Variants in TSPOAP1 observed in about 807,000 individuals in gnomAD.
The protein encoded by TSPOAP1 is peripheral-type benzodiazepine receptor-associated protein 1.
A neutral mutation model predicts 197.0 loss-of-function variants in TSPOAP1; 87 were observed. The observed-to-expected ratio is 0.44, with a 90% CI of 0.37 to 0.53. The LOEUF (loss-of-function observed/expected upper bound fraction) is 0.53. Among genes scored for constraint, TSPOAP1 ranks in the 20% least tolerant of loss-of-function variants. The pLI is 0.00. For missense variants in TSPOAP1, 2,174 were observed against 2,411.3 expected (o/e 0.90, Z 2.06); for synonymous variants, 913 against 998.9 (o/e 0.91, Z 1.62).
At chr17:58,313,568 A>G (rs1193369779) in intron 16 of TSPOAP1, among the ~76,000 whole-genome samples, 1 of 151,456 alleles carries the variant, frequency 6.6e-6, no homozygotes, top group Non-Finnish European at 1.5e-5. Context: ...TAATCGCGCC[A>G]CTGCACTCCA....
intron 4 of TSPOAP1, 157 bp downstream of exon 4, chr17:58,325,377 C>A (rs939883218): frequency 2.4e-5 from 22 of 910,114 alleles, no homozygotes; most frequent in Non-Finnish European, 3.3e-5. Flanking sequence ...CCCCCTTCTC[C>A]CCTCTCCCAC....
In TSPOAP1 at chr17:58,308,568, C is replaced by T. The variant is rs761815373; in HGVS notation, c.4704G>A (p.Thr1568=). 74 of 1,552,690 alleles carry T rather than the reference C, an allele frequency of 4.8e-5. No individual in the cohort carries two copies. Among genetic ancestry groups the T allele is most frequent in the Admixed American group, 4.1e-4 (22 of 53,674 alleles). The change falls in exon 22 of 32, where the codon ACG becomes ACA. Residue 1568 remains threonine, a synonymous_variant. Coordinates refer to ENST00000343736, the MANE Select transcript of TSPOAP1 (RefSeq NM_004758.4). ...GGGAGAGTGGCTCCTTGGCTCTGCCCGTCGCACTGCGGCCTCTCCGCTCTG... is the reference window on the plus strand; with the variant it reads ...GGGAGAGTGGCTCCTTGGCTCTGCCTGTCGCACTGCGGCCTCTCCGCTCTG... ...GEPERRGRSA[T]GRAKEPLSRA...
chr17:58,311,422 G>T, intron 18 of TSPOAP1, 149 bp downstream of exon 18: 1 of 1,280,074 alleles, frequency 7.8e-7, no homozygotes, highest in Admixed American at 2.7e-5. Flanking sequence ...GTCATGTGCT[G>T]CCAAAGCCCA....
rs549839489 is a variant in TSPOAP1, at chr17:58,308,924, C to A, written c.4348G>T (p.Gly1450Cys). ...GGGCCCTCAATTACGGGGAGGCCACCCCTCTCCCGTGTGGGGCCCAGTCGT... is the reference window on the plus strand; with the variant it reads ...GGGCCCTCAATTACGGGGAGGCCACACCTCTCCCGTGTGGGGCCCAGTCGT... ...SGRLGPTRER[G>C]GLPVIEGPRT... Residue 1450 changes from glycine to cysteine, a missense_variant, in exon 22 of 32, where the codon GGT (glycine) becomes TGT (cysteine). Coordinates refer to ENST00000343736, the MANE Select transcript of TSPOAP1 (RefSeq NM_004758.4). 46 of 1,598,364 alleles carry A rather than the reference C, an allele frequency of 2.9e-5. No individual in the cohort carries two copies. In the Middle Eastern group the frequency reaches 6.7e-4, roughly 23 times the overall value.
In TSPOAP1 at chr17:58,324,999, C is replaced by T. The variant is rs1267406012; in HGVS notation, c.754G>A (p.Gly252Ser). 2 of 1,527,768 alleles carry T rather than the reference C, an allele frequency of 1.3e-6. No homozygotes were observed. Among genetic ancestry groups the T allele is most frequent in the Non-Finnish European group, 1.8e-6 (2 of 1,136,812 alleles). The allele number at this position is 1,527,768 out of a possible 1,614,324, so 94.6% of individuals were successfully genotyped here. Residue 252 changes from glycine to serine, a missense_variant, in exon 5 of 32, where the codon GGT becomes AGT. Physicochemically the swap from Gly to Ser is moderately conservative, Grantham distance 56 (BLOSUM62 0). Around this residue, in one of 5 missense-constraint regions of TSPOAP1, gnomAD observed 1,933 missense variants for 2,139.0 expected, o/e 0.90. Transcript: ENST00000343736. The surrounding 1 kb of genome is among the most constrained non-coding windows in gnomAD (Gnocchi z 5.8). Reference sequence around the variant, plus strand: ...TCCCGCACGTGGAGCCACTGGGGACCCTCCTGAGGTTGGGGGACAGGGACA... The same window carrying T: ...TCCCGCACGTGGAGCCACTGGGGACTCTCCTGAGGTTGGGGGACAGGGACA... The part of the protein sequence containing the change: ...QARLTLVGKE[G>S]PQWLHVRDFD...
chr17:58,311,610 GAC>G lies in TSPOAP1; in HGVS notation c.3040_3041del (p.Val1014ProfsTer10). The G allele has an allele frequency of 6.2e-7, 1 of 1,607,224 alleles. No homozygotes were observed. The highest frequency in any genetic ancestry group is 8.5e-7 in the Non-Finnish European group (1 of 1,175,594). ...CGTAGATGGCATAGCCTGTGACCCG[GAC>G]ACCGTTGGATGTGCCAGCAGCATCG... is the stretch of plus-strand genomic sequence containing the variant. ...TIDAAGTSNGVRVTGYAIYAD... is the reference protein window; with the variant it reads ...TIDAAGTSNGXRVTGYAIYAD... On this transcript the variant is annotated frameshift_variant, in exon 18 of 32. Transcript: ENST00000343736. LOFTEE classifies it high-confidence loss of function.
At chr17:58,311,381 T>A (rs1041269404) in intron 18 of TSPOAP1, 168 bp from the exon 19 acceptor site, 106 of 1,241,372 alleles carry the variant, frequency 8.5e-5, no homozygotes, top group Non-Finnish European at 1.1e-4. Flanking sequence ...CCTGGCCATA[T>A]GGCTTCAGTG....
intron 29 of TSPOAP1, 72 bp downstream of exon 29, chr17:58,305,315 T>C (rs1247697051): frequency 6.4e-7 from 1 of 1,573,800 alleles, no homozygotes; most frequent in Non-Finnish European, 8.7e-7. Context: ...TTCCTGAGGG[T>C]TCCTTGCCTA....
chr17:58,310,145 G>T lies in TSPOAP1; in HGVS notation c.3713C>A (p.Ala1238Glu), dbSNP rs1197779431. The T allele has an allele frequency of 6.2e-7, 1 of 1,612,638 alleles. No homozygotes were observed. The highest frequency in any genetic ancestry group is 8.5e-7 in the Non-Finnish European group (1 of 1,179,854). Reference sequence around the variant, plus strand: ...GTTCACCAGATGAACCCCAAGCTCTGCTGTGTCCTCCTTCTGCAAGAAGTG... The same window carrying T: ...GTTCACCAGATGAACCCCAAGCTCTTCTGTGTCCTCCTTCTGCAAGAAGTG... ...LRPRAEKEDT[A>E]ELGVHLVNSL... The change falls in exon 21 of 32, where the codon GCA (alanine) becomes GAA (glutamate). Residue 1238 changes from alanine to glutamate, a missense_variant. Ala to Glu is a moderately radical substitution (Grantham distance 107). This residue lies in a region of TSPOAP1 where 1,933 missense variants were observed against 2,139.0 expected (regional missense o/e 0.90). Transcript: ENST00000343736.
chr17:58,322,716 A>C lies in TSPOAP1; in HGVS notation c.1255T>G (p.Ser419Ala). Reference sequence around the variant, plus strand: ...AGGCCCTGGCTCTTGCGAAGGGCTGAGTCCCTCTCCTGTGTCACCCCCAGG... The same window carrying C: ...AGGCCCTGGCTCTTGCGAAGGGCTGCGTCCCTCTCCTGTGTCACCCCCAGG... Reference protein sequence around the residue: ...QLLGVTQERDSALRKSQGLQS... With the variant: ...QLLGVTQERDAALRKSQGLQS... Residue 419 changes from serine (S) to alanine (A), a missense_variant, in exon 9 of 32, where the codon TCA (serine) becomes GCA (alanine). Ser to Ala is a moderately conservative substitution (Grantham distance 99, BLOSUM62 1). This residue lies in a region of TSPOAP1 where 1,933 missense variants were observed against 2,139.0 expected (regional missense o/e 0.90). Transcript: ENST00000343736. The surrounding 1 kb of genome is among the most constrained non-coding windows in gnomAD (Gnocchi z 5.0). The C allele has an allele frequency of 6.2e-7, 1 of 1,612,674 alleles. No homozygotes were observed. Among genetic ancestry groups the C allele is most frequent in the Non-Finnish European group, 8.5e-7 (1 of 1,179,972 alleles).
In TSPOAP1 at chr17:58,311,606, C is replaced by T; in HGVS notation, c.3046G>A (p.Val1016Ile). 1.9e-6 allele frequency: 3 copies of T among 1,605,470 alleles called. No homozygotes were observed. The highest frequency in any genetic ancestry group is 2.6e-6 in the Non-Finnish European group (3 of 1,174,520). Residue 1016 changes from valine to isoleucine, a missense_variant, in exon 18 of 32, where the codon GTC becomes ATC. Coordinates refer to ENST00000343736, the MANE Select transcript of TSPOAP1 (RefSeq NM_004758.4). ...TCAGCGTAGATGGCATAGCCTGTGACCCGGACACCGTTGGATGTGCCAGCA... is the reference window on the plus strand; with the variant it reads ...TCAGCGTAGATGGCATAGCCTGTGATCCGGACACCGTTGGATGTGCCAGCA... ...DAAGTSNGVR[V>I]TGYAIYADGQ...
intron 4 of TSPOAP1, 33 bp from the exon 5 acceptor site, chr17:58,325,035 T>C: frequency 2.0e-6 from 3 of 1,481,608 alleles, no homozygotes; most frequent in Non-Finnish European, 2.7e-6. Flanking sequence ...GGGAGGGGAC[T>C]CAGGCCTAAT....
At position 58,304,385 on chromosome 17, in the gene TSPOAP1, T is replaced by TCTC; in HGVS notation, c.5556_5558dup (p.Arg1854dup). The TCTC allele has an allele frequency of 6.2e-7, 1 of 1,613,862 alleles. No individual in the cohort carries two copies. Among genetic ancestry groups the TCTC allele is most frequent in the Non-Finnish European group, 8.5e-7 (1 of 1,179,774 alleles). Reference sequence around the variant, plus strand: ...CTATCTCCATCTAGCACTGGACTCTTCTCCTCCTCGTTCTCTGAGGACAGG... The same window carrying TCTC: ...CTATCTCCATCTAGCACTGGACTCTTCTCCTCCTCCTCGTTCTCTGAGGACAGG... On this transcript the variant is annotated inframe_insertion, in exon 31 of 32. Transcript: ENST00000343736. This position sits in a 1 kb window ranked among gnomAD's most constrained non-coding sequence, Gnocchi z 4.2.
chr17:58,322,301 G>T lies in TSPOAP1; in HGVS notation c.1422+7C>A. 6.2e-7 allele frequency: 1 copy of T among 1,601,316 alleles called. No homozygotes were observed. Among genetic ancestry groups the T allele is most frequent in the Non-Finnish European group, 8.5e-7 (1 of 1,179,380 alleles). On this transcript the variant is annotated splice_region_variant and intron_variant, in intron 10 of 31. Coordinates refer to ENST00000343736, the MANE Select transcript of TSPOAP1 (RefSeq NM_004758.4). The surrounding 1 kb of genome is among the most constrained non-coding windows in gnomAD (Gnocchi z 5.0). ...CAGCCTGCCAGCTTCCCTCACTGCC[G>T]CCCCACCTGCTGCAGTCTCCGGACC...
In TSPOAP1 at chr17:58,324,864, C is replaced by T. The variant is rs770843190; in HGVS notation, c.889G>A (p.Gly297Ser). 6 of 1,529,970 alleles carry T rather than the reference C, an allele frequency of 3.9e-6. No individual in the cohort carries two copies. In the South Asian group the frequency reaches 6.0e-5, roughly 15 times the overall value. The allele number at this position is 1,529,970 out of a possible 1,614,324, so 94.8% of individuals were successfully genotyped here. The change falls in exon 5 of 32, where the codon GGC becomes AGC. Residue 297 changes from glycine (G) to serine (S), a missense_variant. Physicochemically the swap from Gly to Ser is moderately conservative, Grantham distance 56 (BLOSUM62 0). Around this residue, in one of 5 missense-constraint regions of TSPOAP1, gnomAD observed 1,933 missense variants for 2,139.0 expected, o/e 0.90. Coordinates refer to ENST00000343736, the MANE Select transcript of TSPOAP1 (RefSeq NM_004758.4). This position sits in a 1 kb window ranked among gnomAD's most constrained non-coding sequence, Gnocchi z 5.8. ...TLPLPPSWPP[G>S]PALQARAGAP... is the part of the protein sequence containing the mutation. ...CCTGCTCTGGCCTGGAGAGCAGGGC[C>T]CGGGGGCCAGGACGGCGGGAGCGGG...
At position 58,324,689 on chromosome 17, in the gene TSPOAP1, G is replaced by A. The variant is rs2143140326; in HGVS notation, c.942+122C>T. 9 of 848,364 alleles carry A rather than the reference G, an allele frequency of 1.1e-5. 1 individual carries two copies. The South Asian group carries it at 2.5e-4, about 23-fold the overall frequency. The allele number at this position is 848,364 out of a possible 1,614,324, so 52.6% of individuals were successfully genotyped here. A position where few individuals can be genotyped will look rare whatever the true frequency, so the allele number is the denominator to read the frequency against. ...AGGACGGGAAAGCTCCCCAGCCCCT[G>A]GGAGTGCGCACACCACCACTGAGTC... On this transcript the variant is annotated intron_variant, in intron 5 of 31. Transcript: ENST00000343736. This position sits in a 1 kb window ranked among gnomAD's most constrained non-coding sequence, Gnocchi z 5.8.
intron 24 of TSPOAP1, 124 bp downstream of exon 24, chr17:58,307,487 G>A (rs951936168): frequency 1.5e-6 from 2 of 1,308,270 alleles, no homozygotes; most frequent in African/African-American, 2.9e-5. Context: ...CCAAACCCAT[G>A]TCATCTGCTC....
chr17:58,326,886 A>G lies in TSPOAP1; in HGVS notation c.334-96T>C. ...AGCATCCACCATCCATGGTCCAAGG[A>G]GACATGGAGATGAAACGGTTTCCCC... On this transcript the variant is annotated intron_variant, in intron 1 of 31. Transcript: ENST00000343736. This position sits in a 1 kb window ranked among gnomAD's most constrained non-coding sequence, Gnocchi z 4.7. The G allele has an allele frequency of 9.6e-7, 1 of 1,036,948 alleles. No individual in the cohort carries two copies. The highest frequency in any genetic ancestry group is 1.5e-6 in the Non-Finnish European group (1 of 672,180). The allele number at this position is 1,036,948 out of a possible 1,614,324, so 64.2% of individuals were successfully genotyped here. A position where few individuals can be genotyped will look rare whatever the true frequency, so the allele number is the denominator to read the frequency against.
At chr17:58,320,497 T>C (rs751533580) in intron 11 of TSPOAP1, 34 bp downstream of exon 11, 35 of 1,503,604 alleles carry the variant, frequency 2.3e-5, no homozygotes, top group East Asian at 9.8e-5. Flanking sequence ...CCTCCCAAGA[T>C]GGTGGAACTG....
Sources: gnomAD v4.1 joint callset for allele counts (sites outside exome capture counted in the v4.1 genomes callset) on GRCh38, gnomAD v4.1.1 for gene constraint, gnomAD v4.1.1 regional missense constraint, Gnocchi (gnomAD v3.1) non-coding constraint, MANE v1.5 for transcripts, NCBI Gene and HGNC (gene_info 2026-07-23, HGNC 2026-07-21) for gene names.